Variants in LIPK observed in about 807,000 individuals in gnomAD.
LIPK encodes lipase member K.
LIPK carries 32 observed loss-of-function variants against 48.6 expected under a neutral mutation model. The ratio of observed to expected loss-of-function variants is 0.66; its 90% CI spans 0.50 to 0.88. The LOEUF (loss-of-function observed/expected upper bound fraction) is 0.88. Ranked by LOEUF, LIPK falls within the 40% of genes least tolerant of loss-of-function variation. The pLI is 0.00. For synonymous variants in LIPK, 164 were observed against 157.4 expected (o/e 1.04, Z -0.32); for missense variants, 507 against 478.5 (o/e 1.06, Z -0.56).
At chr10:88,734,863 C>T (rs1261115005) in intron 6 of LIPK, among the ~76,000 whole-genome samples, 3 of 152,156 alleles carry the variant, frequency 2.0e-5, no homozygotes, top group Non-Finnish European at 2.9e-5. Context: ...TTTTGAGGAA[C>T]GGGCTTTCTT....
intron 7 of LIPK, among the ~76,000 whole-genome samples, chr10:88,739,218 T>C (rs1842633121): frequency 6.6e-6 from 1 of 152,194 alleles, no homozygotes; most frequent in African/African-American, 2.4e-5. Flanking sequence ...TGTAGAATAC[T>C]CATCACATTT....
intron 1 of LIPK, among the ~76,000 whole-genome samples, chr10:88,714,238 A>C (rs1292213594): frequency 6.6e-6 from 1 of 152,070 alleles, no homozygotes; most frequent in Admixed American, 6.5e-5. Context: ...AAAATTTTTT[A>C]TTATAAAGTG....
At chr10:88,713,875 T>C (rs1714963732) in intron 1 of LIPK, among the ~76,000 whole-genome samples, 1 of 151,086 alleles carries the variant, frequency 6.6e-6, no homozygotes, top group African/African-American at 2.4e-5. Flanking sequence ...CAGGAGAGGC[T>C]CACTGCAGAG....
chr10:88,734,115 A>G (rs1438358058), intron 6 of LIPK, among the ~76,000 whole-genome samples: 3 of 152,234 alleles, frequency 2.0e-5, no homozygotes. Flanking sequence ...TAGTACCAAT[A>G]GAAGAACTGC....
intron 6 of LIPK, among the ~76,000 whole-genome samples, chr10:88,734,918 G>A (rs1842541286): frequency 6.6e-6 from 1 of 152,156 alleles, no homozygotes; most frequent in Non-Finnish European, 1.5e-5. Context: ...GGCATGCTTG[G>A]TGAAAGGCTT....
intron 2 of LIPK, among the ~76,000 whole-genome samples, chr10:88,725,267 T>C (rs1335940326): frequency 2.0e-5 from 3 of 152,176 alleles, no homozygotes; most frequent in East Asian, 1.9e-4. Flanking sequence ...GTATCTCTTC[T>C]TGTTCCTCTC....
intron 1 of LIPK, among the ~76,000 whole-genome samples, chr10:88,709,490 T>C (rs543984359): frequency 5.7e-4 from 87 of 152,016 alleles, no homozygotes; most frequent in African/African-American, 1.9e-3. Context: ...TGTGTTCTCA[T>C]TGTTCAACTC....
At chr10:88,709,164 CT>C (rs1841983783) in intron 1 of LIPK, among the ~76,000 whole-genome samples, 1 of 152,094 alleles carries the variant, frequency 6.6e-6, no homozygotes, top group Admixed American at 6.6e-5. Context: ...ATCATCAATT[CT>C]TTTTCATTTT....
At chr10:88,733,306 T>G (rs1842506225) in intron 6 of LIPK, among the ~76,000 whole-genome samples, 2 of 152,206 alleles carry the variant, frequency 1.3e-5, no homozygotes, top group South Asian at 4.1e-4. Flanking sequence ...GTAAATTGCA[T>G]TGCATGGGTT....
chr10:88,722,298 GA>G (rs1273708733), intron 1 of LIPK, among the ~76,000 whole-genome samples: 2 of 151,444 alleles, frequency 1.3e-5, no homozygotes, highest in Admixed American at 6.6e-5. Context: ...TCCGTCTCAG[GA>G]AAAAAAAGAT....
At chr10:88,709,446 C>A (rs573647406) in intron 1 of LIPK, among the ~76,000 whole-genome samples, 4 of 152,130 alleles carry the variant, frequency 2.6e-5, no homozygotes, top group East Asian at 3.9e-4. Context: ...TCCCCCACCC[C>A]CCGACAGGCC....
chr10:88,718,091 T>C (rs1241231355), intron 1 of LIPK, among the ~76,000 whole-genome samples: 1 of 151,746 alleles, frequency 6.6e-6, no homozygotes, highest in Non-Finnish European at 1.5e-5. Flanking sequence ...TGATCTGTTA[T>C]ATAATTGCTT....
At position 88,731,003 on chromosome 10, in the gene LIPK, T is replaced by C. The variant is rs1246715510; in HGVS notation, c.244T>C (p.Leu82=). The change falls in exon 4 of 10, where the codon TTG becomes CTG. Residue 82 remains leucine, a synonymous_variant. Transcript: ENST00000404190. ...GRTAPKPAVY[L]QHGLIASASN... ...TGCAGCTCCAAAGCCTGCTGTGTAT[T>C]TGCAGCATGGCTTAATTGCATCTGC... 6.3e-7 allele frequency: 1 copy of C among 1,590,028 alleles called. No individual in the cohort carries two copies.
At chr10:88,719,999 C>T (rs995664136) in intron 1 of LIPK, among the ~76,000 whole-genome samples, 4 of 152,156 alleles carry the variant, frequency 2.6e-5, no homozygotes, top group African/African-American at 9.7e-5. Flanking sequence ...AAACATGCAT[C>T]AAGGCAATAT....
chr10:88,734,597 G>A (rs1241383910), intron 6 of LIPK, among the ~76,000 whole-genome samples: 1 of 152,168 alleles, frequency 6.6e-6, no homozygotes, highest in Non-Finnish European at 1.5e-5. Context: ...GGAACCAAAT[G>A]TAAGCAGATG....
intron 7 of LIPK, among the ~76,000 whole-genome samples, 169 bp downstream of exon 7, chr10:88,737,950 T>C (rs557802458): frequency 6.6e-6 from 1 of 152,296 alleles, no homozygotes; most frequent in African/African-American, 2.4e-5. Flanking sequence ...CTTGCTTTCA[T>C]AGGAGGATTT....
At chr10:88,717,643 C>T (rs534035129) in intron 1 of LIPK, among the ~76,000 whole-genome samples, 1 of 152,262 alleles carries the variant, frequency 6.6e-6, no homozygotes, top group Admixed American at 6.5e-5. Flanking sequence ...TCCTCCTCAG[C>T]ACACAGTTGG....
At chr10:88,747,642 A>C (rs1384071309) in intron 9 of LIPK, among the ~76,000 whole-genome samples, 1 of 152,162 alleles carries the variant, frequency 6.6e-6, no homozygotes, top group Non-Finnish European at 1.5e-5. Flanking sequence ...CCATCTCAAC[A>C]AACATATGAA....
chr10:88,707,469 C>T (rs1022350994), intron 1 of LIPK, among the ~76,000 whole-genome samples: 17 of 152,040 alleles, frequency 1.1e-4, no homozygotes, highest in African/African-American at 3.9e-4. Flanking sequence ...CCCTATTTTA[C>T]CAGGCAGGAC....
Sources: gnomAD v4.1 joint callset for allele counts (sites outside exome capture counted in the v4.1 genomes callset) on GRCh38, gnomAD v4.1.1 for gene constraint, MANE v1.5 for transcripts, NCBI Gene and HGNC (gene_info 2026-07-23, HGNC 2026-07-21) for gene names.